The following PDSS1 variants were observed in gnomAD, a reference collection of about 807,000 sequenced individuals.
The protein encoded by PDSS1 is all trans-polyprenyl-diphosphate synthase PDSS1.
PDSS1 carries 43 observed loss-of-function variants against 57.5 expected under a neutral mutation model. The observed-to-expected ratio is 0.75, with a 90% CI of 0.59 to 0.96. The LOEUF (loss-of-function observed/expected upper bound fraction) is 0.96. Ranked by LOEUF, PDSS1 falls within the 50% of genes least tolerant of loss-of-function variation. The pLI is 0.00. For missense variants in PDSS1, 438 were observed against 527.8 expected (o/e 0.83, Z 1.67); for synonymous variants, 175 against 191.3 (o/e 0.91, Z 0.70).
intron 10 of PDSS1, among the ~76,000 whole-genome samples, chr10:26,740,323 C>T (rs536906308): frequency 5.3e-4 from 80 of 152,170 alleles, no homozygotes; most frequent in Admixed American, 1.0e-3. Flanking sequence ...CTAAAACCTA[C>T]TTGATTTGGC....
chr10:26,745,174 TA>T (rs1413684917), intron 11 of PDSS1, among the ~76,000 whole-genome samples: 3 of 151,380 alleles, frequency 2.0e-5, no homozygotes, highest in Non-Finnish European at 2.9e-5. Context: ...AAAAAAAATT[TA>T]AAAAAAATAA....
At chr10:26,731,497 C>T (rs1456553832) in intron 8 of PDSS1, among the ~76,000 whole-genome samples, 2 of 152,162 alleles carry the variant, frequency 1.3e-5, no homozygotes, top group African/African-American at 4.8e-5. Context: ...AAGGGCTGAT[C>T]GTGCATAAAC....
chr10:26,728,046 C>A (rs1330133445), intron 8 of PDSS1, among the ~76,000 whole-genome samples: 1 of 152,140 alleles, frequency 6.6e-6, no homozygotes, highest in Non-Finnish European at 1.5e-5. Context: ...GTGATGCATG[C>A]CTGGATCGCT....
intron 11 of PDSS1, among the ~76,000 whole-genome samples, chr10:26,745,200 G>A (rs1220176769): frequency 6.6e-6 from 1 of 152,026 alleles, no homozygotes; most frequent in Non-Finnish European, 1.5e-5. Flanking sequence ...ATGTCAGAGG[G>A]ATCATGAGCC....
At chr10:26,733,347 C>A (rs944177635) in intron 8 of PDSS1, among the ~76,000 whole-genome samples, 23 of 152,116 alleles carry the variant, frequency 1.5e-4, no homozygotes, top group African/African-American at 5.6e-4. Context: ...AATTGTCCCC[C>A]ATATGGTCTC....
At chr10:26,735,188 G>A (rs982641022) in intron 8 of PDSS1, 52 bp from the exon 9 acceptor site, 2 of 1,302,184 alleles carry the variant, frequency 1.5e-6, no homozygotes, top group African/African-American at 1.4e-5. Flanking sequence ...GGGGTCAGCT[G>A]CTTTGTTGCT....
intron 8 of PDSS1, among the ~76,000 whole-genome samples, chr10:26,731,568 G>A (rs1836199930): frequency 6.6e-6 from 1 of 152,180 alleles, no homozygotes; most frequent in South Asian, 2.1e-4. Context: ...TGCACATGTG[G>A]TTTTGTTAGG....
chr10:26,726,387 G>T (rs1044008400), intron 8 of PDSS1, among the ~76,000 whole-genome samples: 1 of 152,206 alleles, frequency 6.6e-6, no homozygotes, highest in African/African-American at 2.4e-5. Flanking sequence ...AAATGATAGT[G>T]TGAGCTATTT....
intron 4 of PDSS1, among the ~76,000 whole-genome samples, chr10:26,707,174 G>A (rs1339584608): frequency 6.6e-6 from 1 of 152,098 alleles, no homozygotes; most frequent in Non-Finnish European, 1.5e-5. Flanking sequence ...GGAGTTTTGC[G>A]CATGCTCACG....
chr10:26,710,003 A>T (rs1835371863), intron 5 of PDSS1, among the ~76,000 whole-genome samples: 1 of 151,874 alleles, frequency 6.6e-6, no homozygotes, highest in Non-Finnish European at 1.5e-5. Flanking sequence ...ATACAAAAAA[A>T]ATTAGCCGGG....
chr10:26,721,263 C>T (rs1835771702), intron 6 of PDSS1, among the ~76,000 whole-genome samples: 1 of 150,760 alleles, frequency 6.6e-6, no homozygotes, highest in African/African-American at 2.4e-5. Context: ...CACACTACTG[C>T]ACTCCAGCCT....
intron 4 of PDSS1, among the ~76,000 whole-genome samples, chr10:26,707,722 A>G (rs1020663260): frequency 6.6e-6 from 1 of 152,102 alleles, no homozygotes; most frequent in African/African-American, 2.4e-5. Flanking sequence ...CGTCTCTCAA[A>G]TAATATCACT....
intron 8 of PDSS1, among the ~76,000 whole-genome samples, chr10:26,733,042 C>T (rs1429634309): frequency 3.3e-5 from 5 of 152,126 alleles, no homozygotes; most frequent in African/African-American, 9.7e-5. Flanking sequence ...GAGCCCAGAT[C>T]GTGCCGCTGC....
chr10:26,735,224 GCT>G lies in PDSS1; in HGVS notation c.832-13_832-12del, dbSNP rs748250156. 6.3e-7 allele frequency: 1 copy of G among 1,595,182 alleles called. No individual in the cohort carries two copies. The highest frequency in any genetic ancestry group is 8.6e-7 in the Non-Finnish European group (1 of 1,162,670). On this transcript the variant is annotated splice_polypyrimidine_tract_variant and intron_variant, in intron 8 of 11. Transcript: ENST00000376215. ...GCCTGGAAGCAGCTTATCTCAGAAT[GCT>G]CTTTCTGTTTCAGGTCTCTGTTCTA...
In PDSS1 at chr10:26,697,758, C is replaced by G; in HGVS notation, c.47C>G (p.Pro16Arg). The change falls in exon 1 of 12, where the codon CCG (proline) becomes CGG (arginine). Residue 16 changes from proline to arginine, a missense_variant. Pro to Arg is a moderately radical substitution (Grantham distance 103). Around this residue, in one of 2 missense-constraint regions of PDSS1, gnomAD observed 154 missense variants for 137.0 expected, o/e 1.12. Coordinates refer to ENST00000376215, the MANE Select transcript of PDSS1 (RefSeq NM_014317.5). The stretch of plus-strand genomic sequence containing the variant: ...TGGCGGCGCGGCTGCTCCTGGAAGC[C>G]GGCGGCGCGGAGCCCCGGGCCCGGC... ...WRWRRGCSWK[P>R]AARSPGPGSP... The G allele has an allele frequency of 7.7e-7, 1 of 1,291,430 alleles. No homozygotes were observed. Among genetic ancestry groups the G allele is most frequent in the South Asian group, 2.5e-5 (1 of 39,966 alleles). 80.0% of individuals were successfully genotyped at this position (1,291,430 alleles called of 1,614,324 possible).
At chr10:26,744,630 G>A (rs1836748191) in intron 11 of PDSS1, among the ~76,000 whole-genome samples, 2 of 151,862 alleles carry the variant, frequency 1.3e-5, no homozygotes, top group Admixed American at 6.6e-5. Context: ...GTCGTGATCC[G>A]CCCGCCTCGG....
intron 5 of PDSS1, among the ~76,000 whole-genome samples, chr10:26,713,264 C>G (rs932985417): frequency 9.3e-5 from 14 of 150,912 alleles, no homozygotes; most frequent in Admixed American, 3.3e-4. Flanking sequence ...TGCATTCCAT[C>G]CTGGGAACAG....
intron 5 of PDSS1, among the ~76,000 whole-genome samples, chr10:26,717,405 T>A (rs971643073): frequency 3.3e-5 from 5 of 152,172 alleles, no homozygotes; most frequent in African/African-American, 7.2e-5. Context: ...CTAGTTTTTG[T>A]ATTTTTAGTG....
At chr10:26,745,121 G>A (rs1270439771) in intron 11 of PDSS1, among the ~76,000 whole-genome samples, 1 of 151,878 alleles carries the variant, frequency 6.6e-6, no homozygotes, top group Non-Finnish European at 1.5e-5. Context: ...CCAAGATCAC[G>A]CCACTGCATT....
Sources: allele counts gnomAD v4.1 joint callset (sites outside exome capture counted in the v4.1 genomes callset), GRCh38; gene constraint gnomAD v4.1.1; regional missense constraint gnomAD v4.1.1; transcripts MANE v1.5; gene names NCBI Gene and HGNC (gene_info 2026-07-23, HGNC 2026-07-21).